Variants in PID1 observed in about 807,000 individuals in gnomAD.
PID1 encodes the protein phosphotyrosine interaction domain containing 1.
In PID1, 10 loss-of-function variants were observed where a neutral mutation model predicts 19.1. The observed-to-expected ratio is 0.52, with a 90% confidence interval of 0.32 to 0.89. PID1 has a LOEUF of 0.89. Among genes scored for constraint, PID1 ranks in the 40% least tolerant of loss-of-function variants. The probability of loss-of-function intolerance (pLI) is 0.03; values close to 1 mark genes in which losing one functional copy is unlikely to be tolerated. For missense variants in PID1, 248 were observed against 285.3 expected (o/e 0.87, Z 0.94); for synonymous variants, 130 against 116.0 (o/e 1.12, Z -0.78).
intron 1 of PID1, among the ~76,000 whole-genome samples, chr2:229,266,591 C>T (rs1023319596): frequency 2.0e-5 from 3 of 152,178 alleles, no homozygotes; most frequent in Non-Finnish European, 2.9e-5. Flanking sequence ...CTGTGCCTGT[C>T]TTATCCTTCT....
chr2:229,257,001 T>C (rs144631142), intron 1 of PID1, among the ~76,000 whole-genome samples: 62 of 152,308 alleles, frequency 4.1e-4, no homozygotes, highest in African/African-American at 1.5e-3. Flanking sequence ...TTCCACTGTT[T>C]AACAGTCTGA....
chr2:229,155,704 C>A (rs1383159030), intron 2 of PID1, 114 bp downstream of exon 2: 8 of 963,646 alleles, frequency 8.3e-6, no homozygotes, highest in Non-Finnish European at 1.2e-5. Flanking sequence ...TTTTGTTGGT[C>A]ATTTTATATT....
intron 2 of PID1, among the ~76,000 whole-genome samples, chr2:229,058,675 AAT>A (rs984427203): frequency 6.6e-6 from 1 of 150,422 alleles, no homozygotes; most frequent in Non-Finnish European, 1.5e-5. Flanking sequence ...TAAGTCAATA[AAT>A]TTGCGTTTGA....
chr2:229,163,674 T>TGTGTGTGTGTGTGCGCGC lies in PID1; in HGVS notation c.31-7711_31-7710insGCGCGCACACACACACAC, dbSNP rs374622113. ...GAGTGTGTGTGTGTGTGTGTGTGTG[T>TGTGTGTGTGTGTGCGCGC]GCGTGTGCGTGTGTGTGTGTGTATA... is the stretch of plus-strand genomic sequence containing the variant. On this transcript the variant is annotated intron_variant, in intron 1 of 2. Coordinates refer to ENST00000392055, the MANE Select transcript of PID1 (RefSeq NM_001100818.2). Among the ~76,000 whole-genome samples the TGTGTGTGTGTGTGCGCGC allele has an allele frequency of 1.6e-3, 150 of 94,486 alleles. 2 individuals are homozygous for TGTGTGTGTGTGTGCGCGC. The highest frequency in any genetic ancestry group is 4.3e-3 in the African/African-American group (139 of 32,322). 62.0% of individuals were successfully genotyped at this position (94,486 alleles called of 152,430 possible). A position where few individuals can be genotyped will look rare whatever the true frequency, so the allele number is the denominator to read the frequency against.
intron 2 of PID1, among the ~76,000 whole-genome samples, chr2:229,088,258 C>T (rs1694807468): frequency 6.6e-6 from 1 of 152,158 alleles, no homozygotes; most frequent in Non-Finnish European, 1.5e-5. Flanking sequence ...CGGTTTTGCC[C>T]TTACATGTGT....
At chr2:229,026,142 T>C in intron 2 of PID1, 34 bp from the exon 3 acceptor site, 1 of 1,449,972 alleles carries the variant, frequency 6.9e-7, no homozygotes, top group Non-Finnish European at 9.6e-7. Context: ...AAGGGAGGCA[T>C]CAGCAGAAGG....
intron 1 of PID1, among the ~76,000 whole-genome samples, chr2:229,213,564 T>C (rs1430298255): frequency 1.3e-5 from 2 of 152,192 alleles, no homozygotes; most frequent in African/African-American, 4.8e-5. Context: ...GAATAGCAAA[T>C]TGCTCACAAT....
chr2:229,064,923 G>A (rs868732514), intron 2 of PID1, among the ~76,000 whole-genome samples: 34 of 152,140 alleles, frequency 2.2e-4, no homozygotes, highest in Non-Finnish European at 8.8e-5. Context: ...TCATGGAATG[G>A]TATGGCAATT....
At chr2:229,036,546 C>T (rs745736070) in intron 2 of PID1, among the ~76,000 whole-genome samples, 15 of 151,854 alleles carry the variant, frequency 9.9e-5, no homozygotes, top group Non-Finnish European at 8.8e-5. Context: ...GTCAGGAGTT[C>T]GAGACCAGCC....
intron 2 of PID1, among the ~76,000 whole-genome samples, chr2:229,152,062 C>T (rs1287966581): frequency 1.3e-5 from 2 of 152,174 alleles, no homozygotes; most frequent in African/African-American, 4.8e-5. Flanking sequence ...GCTTTCTGGA[C>T]TGCCATAGCA....
At chr2:229,056,961 A>G (rs1003666719) in intron 2 of PID1, among the ~76,000 whole-genome samples, 23 of 152,214 alleles carry the variant, frequency 1.5e-4, no homozygotes, top group African/African-American at 4.8e-4. Context: ...TTTACCTGAC[A>G]TAGTATTTTT....
At chr2:229,233,059 G>A (rs1483316899) in intron 1 of PID1, among the ~76,000 whole-genome samples, 1 of 152,048 alleles carries the variant, frequency 6.6e-6, no homozygotes, top group East Asian at 1.9e-4. Flanking sequence ...AATGGGAAGT[G>A]CCAAGAGACT....
chr2:229,178,223 A>C (rs1275014774), intron 1 of PID1, among the ~76,000 whole-genome samples: 1 of 152,202 alleles, frequency 6.6e-6, no homozygotes, highest in East Asian at 1.9e-4. Flanking sequence ...ATGAATTTAA[A>C]TTGCAATTTC....
At chr2:229,064,608 T>C (rs1375955078) in intron 2 of PID1, among the ~76,000 whole-genome samples, 1 of 152,074 alleles carries the variant, frequency 6.6e-6, no homozygotes, top group Admixed American at 6.5e-5. Flanking sequence ...TATCCAATTT[T>C]TGATAAAAAA....
At chr2:229,036,338 C>G (rs1385302745) in intron 2 of PID1, among the ~76,000 whole-genome samples, 1 of 152,170 alleles carries the variant, frequency 6.6e-6, no homozygotes, top group Non-Finnish European at 1.5e-5. Flanking sequence ...CCTCAGGAAG[C>G]TCATATGACT....
At chr2:229,211,617 C>A (rs552710722) in intron 1 of PID1, among the ~76,000 whole-genome samples, 1 of 152,210 alleles carries the variant, frequency 6.6e-6, no homozygotes, top group Non-Finnish European at 1.5e-5. Context: ...GCACCACATT[C>A]TCTTTTTAAT....
At chr2:229,057,851 C>A (rs1451691478) in intron 2 of PID1, among the ~76,000 whole-genome samples, 1 of 152,194 alleles carries the variant, frequency 6.6e-6, no homozygotes, top group African/African-American at 2.4e-5. Flanking sequence ...CAGCATTCTA[C>A]CTCCACATTC....
intron 1 of PID1, among the ~76,000 whole-genome samples, chr2:229,185,082 C>CCT (rs1559275365): frequency 9.8e-5 from 14 of 142,526 alleles, no homozygotes; most frequent in African/African-American, 3.1e-4. Flanking sequence ...ATATATCCTA[C>CCT]ATATATATCC....
chr2:229,117,719 T>C (rs751292470), intron 2 of PID1, among the ~76,000 whole-genome samples: 1 of 152,106 alleles, frequency 6.6e-6, no homozygotes, highest in Non-Finnish European at 1.5e-5. Context: ...TTCTCAAACA[T>C]GACAAGATCC....
Sources: allele counts gnomAD v4.1 joint callset (sites outside exome capture counted in the v4.1 genomes callset), GRCh38; gene constraint gnomAD v4.1.1; transcripts MANE v1.5; gene names NCBI Gene and HGNC (gene_info 2026-07-23, HGNC 2026-07-21).